Variants in PRKCD observed in about 807,000 individuals in gnomAD.
The protein encoded by PRKCD is protein kinase C delta.
PRKCD carries 20 observed loss-of-function variants against 82.2 expected under a neutral mutation model. That is an observed-to-expected ratio of 0.24 (90% confidence interval 0.17 to 0.35). PRKCD has a LOEUF of 0.35. PRKCD is among the 10% of genes least tolerant of loss of function. PRKCD has a pLI of 1.00. For missense variants in PRKCD, 607 were observed against 899.0 expected (o/e 0.68, Z 4.15); for synonymous variants, 317 against 337.0 (o/e 0.94, Z 0.65).
chr3:53,171,021 G>A (rs533026493), intron 2 of PRKCD, among the ~76,000 whole-genome samples: 2 of 152,258 alleles, frequency 1.3e-5, no homozygotes, highest in South Asian at 2.1e-4. Context: ...AACTGTGTGC[G>A]TGTGTGTCTA....
intron 4 of PRKCD, 68 bp from the exon 5 acceptor site, chr3:53,181,139 T>C: frequency 6.5e-7 from 1 of 1,549,330 alleles, no homozygotes; most frequent in Non-Finnish European, 8.8e-7. Flanking sequence ...GGGGGTGGGT[T>C]CTGAGTTTGG....
chr3:53,182,428 C>T (rs1337352038), intron 7 of PRKCD, among the ~76,000 whole-genome samples: 1 of 151,982 alleles, frequency 6.6e-6, no homozygotes, highest in Non-Finnish European at 1.5e-5. Flanking sequence ...ACCACCATGC[C>T]CGGCTAATTT....
intron 2 of PRKCD, among the ~76,000 whole-genome samples, chr3:53,165,665 G>T (rs1553663747): frequency 6.6e-6 from 1 of 152,210 alleles, no homozygotes; most frequent in Non-Finnish European, 1.5e-5. Context: ...GCAGGGGGAT[G>T]GAATGGGGTC....
chr3:53,181,095 T>TG, intron 4 of PRKCD, 112 bp from the exon 5 acceptor site: 1 of 1,172,428 alleles, frequency 8.5e-7, no homozygotes, highest in East Asian at 2.6e-5. Flanking sequence ...GGCTAGGCCT[T>TG]GGGGGGCTGC....
intron 15 of PRKCD, among the ~76,000 whole-genome samples, chr3:53,187,621 C>T (rs1165492369): frequency 1.3e-5 from 2 of 152,184 alleles, no homozygotes; most frequent in East Asian, 3.8e-4. Flanking sequence ...ACTCACTGCT[C>T]ATATTTGACA....
intron 15 of PRKCD, 115 bp from the exon 16 acceptor site, chr3:53,188,605 C>G: frequency 2.2e-6 from 3 of 1,362,286 alleles, no homozygotes; most frequent in Non-Finnish European, 3.0e-6. Flanking sequence ...TTCTCATTCC[C>G]TTGTACCCTT....
intron 18 of PRKCD, among the ~76,000 whole-genome samples, chr3:53,191,231 G>A (rs1289292535): frequency 5.9e-5 from 9 of 152,018 alleles, no homozygotes; most frequent in African/African-American, 1.4e-4. Flanking sequence ...GTGAAACCCC[G>A]TCTCTACTAC....
chr3:53,169,492 A>G lies in PRKCD; in HGVS notation c.-20+4277A>G, dbSNP rs1553664495. Among the ~76,000 whole-genome samples the G allele has an allele frequency of 6.6e-6, 1 of 152,158 alleles. No homozygotes were observed. The highest frequency in any genetic ancestry group is 1.9e-4 in the East Asian group (1 of 5,172). On this transcript the variant is annotated intron_variant, in intron 2 of 18. Transcript: ENST00000330452. The surrounding 1 kb of genome is among the most constrained non-coding windows in gnomAD (Gnocchi z 4.7). ...CCGCTGTTTTCACAACAGCTCCGGA[A>G]GCTTTGGATCATGTCTATGGCCGTG...
intron 4 of PRKCD, 44 bp downstream of exon 4, chr3:53,179,820 C>CTG (rs782124015): frequency 2.7e-4 from 116 of 429,348 alleles, no homozygotes; most frequent in South Asian, 5.6e-4. Context: ...GTGTGTGTGT[C>CTG]TGTGTGTGTG....
chr3:53,166,323 T>A (rs1702831215), intron 2 of PRKCD, among the ~76,000 whole-genome samples: 1 of 152,206 alleles, frequency 6.6e-6, no homozygotes, highest in Non-Finnish European at 1.5e-5. Flanking sequence ...CTCTGCCACC[T>A]AAGTTCTGAA....
intron 2 of PRKCD, among the ~76,000 whole-genome samples, chr3:53,175,108 T>A (rs568162667): frequency 2.6e-5 from 4 of 152,186 alleles, no homozygotes; most frequent in Non-Finnish European, 5.9e-5. Flanking sequence ...CTGTGGGCTG[T>A]CAGGGCTGGG....
chr3:53,165,641 G>C (rs1702808408), intron 2 of PRKCD, among the ~76,000 whole-genome samples: 2 of 152,346 alleles, frequency 1.3e-5, no homozygotes, highest in South Asian at 2.1e-4. Flanking sequence ...GGGCCCCACA[G>C]TGGGTTGGAC....
At chr3:53,179,881 A>T in intron 4 of PRKCD, 105 bp downstream of exon 4, 1 of 1,395,348 alleles carries the variant, frequency 7.2e-7, no homozygotes, top group Non-Finnish European at 9.7e-7. Context: ...GTCAGTGAGC[A>T]CAGCTGAAGA....
chr3:53,183,088 C>T (rs1553668093), intron 7 of PRKCD, 33 bp from the exon 8 acceptor site: 2 of 1,610,608 alleles, frequency 1.2e-6, no homozygotes, highest in Non-Finnish European at 1.7e-6. Flanking sequence ...CCGGTGCTTT[C>T]CCTTCCCCCT....
intron 11 of PRKCD, 56 bp from the exon 12 acceptor site, chr3:53,185,871 G>A: frequency 6.3e-7 from 1 of 1,584,464 alleles, no homozygotes; most frequent in Admixed American, 1.7e-5. Flanking sequence ...GGCCCCGGGG[G>A]AGGGGAGTTG....
chr3:53,170,937 CTGTG>C (rs3075732), intron 2 of PRKCD, among the ~76,000 whole-genome samples: 2,832 of 149,448 alleles, frequency 0.019, 88 homozygotes, highest in African/African-American at 0.065. Flanking sequence ...ATGTGTGTTT[CTGTG>C]TGTGTGTGTG....
At chr3:53,162,285 T>G (rs1553663158) in intron 1 of PRKCD, among the ~76,000 whole-genome samples, 3 of 150,962 alleles carry the variant, frequency 2.0e-5, no homozygotes, top group African/African-American at 7.4e-5. Context: ...GGGGGGGTCC[T>G]CCTGGCTGGT....
chr3:53,187,253 C>T (rs1454272511), intron 14 of PRKCD, 87 bp from the exon 15 acceptor site: 2 of 1,411,180 alleles, frequency 1.4e-6, no homozygotes, highest in East Asian at 2.3e-5. Context: ...GCATTTCTTG[C>T]TCCTGGAAGT....
At chr3:53,188,998 G>A (rs1703819453) in intron 16 of PRKCD, 60 bp from the exon 17 acceptor site, 1 of 1,573,212 alleles carries the variant, frequency 6.4e-7, no homozygotes, top group East Asian at 2.3e-5. Context: ...TCGTGCCCAG[G>A]GGCCCCTCTC....
Sources: allele counts gnomAD v4.1 joint callset (sites outside exome capture counted in the v4.1 genomes callset), GRCh38; gene constraint gnomAD v4.1.1; non-coding constraint Gnocchi (gnomAD v3.1); transcripts MANE v1.5; gene names NCBI Gene and HGNC (gene_info 2026-07-23, HGNC 2026-07-21).